TNNI3K: variants seen among roughly 807,000 people sequenced by gnomAD.
TNNI3K encodes the protein TNNI3 interacting kinase, also known as serine/threonine-protein kinase TNNI3K.
TNNI3K carries 140 observed loss-of-function variants against 114.5 expected under a neutral mutation model. The observed-to-expected ratio is 1.22, with a 90% confidence interval of 1.07 to 1.41. The LOEUF (loss-of-function observed/expected upper bound fraction) is 1.41, where lower values mean the gene tolerates loss of function less well. Among genes scored for constraint, TNNI3K ranks in the 40% most tolerant of loss-of-function variants. The pLI, the probability that TNNI3K is intolerant of heterozygous loss-of-function variation, is 0.00. For missense variants in TNNI3K, 1,125 were observed against 1,007.6 expected, an observed-to-expected ratio of 1.12 and a Z score of -1.58; for synonymous variants, 347 against 347.5, an observed-to-expected ratio of 1.00 and a Z score of 0.02.
At chr1:74,252,152 T>A (rs2100850649) in intron 4 of TNNI3K, among the ~76,000 whole-genome samples, 1 of 152,344 alleles carries the variant, frequency 6.6e-6, no homozygotes, top group East Asian at 1.9e-4. Flanking sequence ...AGATTTAGCA[T>A]GACATTGGCA....
At chr1:74,508,696 T>C (rs1274902108) in intron 23 of TNNI3K, among the ~76,000 whole-genome samples, 1 of 152,122 alleles carries the variant, frequency 6.6e-6, no homozygotes, top group African/African-American at 2.4e-5. Flanking sequence ...ACCCGGGGCA[T>C]ATGTCTGGTA....
intron 11 of TNNI3K, among the ~76,000 whole-genome samples, chr1:74,366,014 A>G (rs1190487387): frequency 6.6e-6 from 1 of 151,446 alleles, no homozygotes; most frequent in African/African-American, 2.4e-5. Flanking sequence ...TCGTGTTTGT[A>G]AATACCATGA....
intron 9 of TNNI3K, among the ~76,000 whole-genome samples, chr1:74,344,948 C>T (rs1660923296): frequency 6.6e-6 from 1 of 151,946 alleles, no homozygotes; most frequent in Non-Finnish European, 1.5e-5. Context: ...GCACTCAGTA[C>T]ATTTCTGTTG....
intron 2 of TNNI3K, among the ~76,000 whole-genome samples, chr1:74,247,474 G>A (rs992196333): frequency 6.6e-6 from 1 of 152,172 alleles, no homozygotes; most frequent in East Asian, 1.9e-4. Context: ...TATGAAAGGG[G>A]ACACAAGCAA....
At chr1:74,465,647 A>C (rs274602) in intron 21 of TNNI3K, among the ~76,000 whole-genome samples, 3 of 152,040 alleles carry the variant, frequency 2.0e-5, no homozygotes, top group African/African-American at 4.8e-5. Flanking sequence ...GTGCAGGCGC[A>C]TGATGCAGGA....
chr1:74,350,044 G>C (rs568310009), intron 9 of TNNI3K, among the ~76,000 whole-genome samples: 1 of 152,230 alleles, frequency 6.6e-6, no homozygotes, highest in Admixed American at 6.5e-5. Flanking sequence ...TGCTTCTCTA[G>C]TTCTTTTAAT....
chr1:74,352,406 T>G (rs1247507378), intron 9 of TNNI3K, among the ~76,000 whole-genome samples: 4 of 152,338 alleles, frequency 2.6e-5, no homozygotes, highest in African/African-American at 9.6e-5. Context: ...GTTAGGCTAC[T>G]CGGGGGTCAG....
chr1:74,400,399 AT>A (rs1186836068), intron 17 of TNNI3K, among the ~76,000 whole-genome samples: 2 of 152,228 alleles, frequency 1.3e-5, no homozygotes, highest in Admixed American at 6.5e-5. Flanking sequence ...GGGGATGTAA[AT>A]ACCTAGGTTG....
At chr1:74,285,554 T>A (rs983253543) in intron 5 of TNNI3K, among the ~76,000 whole-genome samples, 19 of 152,158 alleles carry the variant, frequency 1.2e-4, no homozygotes, top group African/African-American at 3.9e-4. Context: ...TCTAATAACA[T>A]GTAACACCAC....
intron 7 of TNNI3K, among the ~76,000 whole-genome samples, chr1:74,340,400 A>G (rs1660693692): frequency 6.6e-6 from 1 of 152,160 alleles, no homozygotes. Context: ...CTAAGATATA[A>G]TAATATATTT....
intron 4 of TNNI3K, among the ~76,000 whole-genome samples, chr1:74,263,190 C>G (rs1256892068): frequency 6.6e-6 from 1 of 151,922 alleles, no homozygotes; most frequent in Non-Finnish European, 1.5e-5. Flanking sequence ...AAATGTAGAC[C>G]CATTATTTCC....
chr1:74,465,812 A>G (rs1667652924), intron 21 of TNNI3K, among the ~76,000 whole-genome samples: 1 of 152,164 alleles, frequency 6.6e-6, no homozygotes, highest in Admixed American at 6.5e-5. Context: ...AGGGACCGTA[A>G]ACACACCAAT....
chr1:74,287,849 A>C (rs1657428454), intron 5 of TNNI3K, among the ~76,000 whole-genome samples: 1 of 152,160 alleles, frequency 6.6e-6, no homozygotes, highest in Non-Finnish European at 1.5e-5. Context: ...AGGGGTTAAT[A>C]CTCGAAATAT....
chr1:74,485,919 A>G (rs1227294969), intron 21 of TNNI3K, among the ~76,000 whole-genome samples: 1 of 152,206 alleles, frequency 6.6e-6, no homozygotes, highest in Admixed American at 6.5e-5. Context: ...CTTGAGCCTC[A>G]GATGAGAATC....
intron 22 of TNNI3K, among the ~76,000 whole-genome samples, chr1:74,489,912 C>T (rs1340131595): frequency 1.3e-5 from 2 of 151,926 alleles, no homozygotes; most frequent in Non-Finnish European, 2.9e-5. Flanking sequence ...TGGAGGAAGA[C>T]ATACATCACA....
At chr1:74,423,597 G>T (rs964762115) in intron 17 of TNNI3K, among the ~76,000 whole-genome samples, 5 of 152,110 alleles carry the variant, frequency 3.3e-5, no homozygotes, top group Admixed American at 3.3e-4. Context: ...TTACTGTGGA[G>T]ACTAAATGAG....
At chr1:74,280,304 C>T (rs1314924225) in intron 5 of TNNI3K, among the ~76,000 whole-genome samples, 1 of 151,976 alleles carries the variant, frequency 6.6e-6, no homozygotes, top group Non-Finnish European at 1.5e-5. Flanking sequence ...ATGGTGCGAA[C>T]CTGGGAGGCG....
chr1:74,332,724 A>C, intron 6 of TNNI3K, among the ~76,000 whole-genome samples: 1 of 151,950 alleles, frequency 6.6e-6, no homozygotes, highest in African/African-American at 2.4e-5. Context: ...CTGATCCCAA[A>C]GCCTATATTG....
chr1:74,369,846 A>G, intron 16 of TNNI3K: 1 of 358,848 alleles, frequency 2.8e-6, no homozygotes. Context: ...AGCTTAAAAT[A>G]ATTAGGCTAA....
Sources: allele counts gnomAD v4.1 joint callset (sites outside exome capture counted in the v4.1 genomes callset), GRCh38; gene constraint gnomAD v4.1.1; transcripts MANE v1.5; gene names NCBI Gene and HGNC (gene_info 2026-07-23, HGNC 2026-07-21).